NYAP2: variants seen among roughly 807,000 people sequenced by gnomAD.
NYAP2 encodes the protein neuronal tyrosine-phosphorylated phosphoinositide-3-kinase adaptor 2.
In NYAP2, 23 loss-of-function variants were observed where a neutral mutation model predicts 50.4. That is an observed-to-expected ratio of 0.46 (90% confidence interval 0.33 to 0.65). The LOEUF (loss-of-function observed/expected upper bound fraction) is 0.65, where lower values mean the gene tolerates loss of function less well. Among genes scored for constraint, NYAP2 ranks in the 30% least tolerant of loss-of-function variants. The pLI is 0.02. For missense variants in NYAP2, 885 were observed against 861.0 expected (o/e 1.03, Z -0.35); for synonymous variants, 394 against 365.2 (o/e 1.08, Z -0.90).
intron 4 of NYAP2, among the ~76,000 whole-genome samples, chr2:225,572,095 C>A (rs1692083368): frequency 6.6e-6 from 1 of 152,212 alleles, no homozygotes; most frequent in Non-Finnish European, 1.5e-5. Flanking sequence ...GCCTGCACTT[C>A]ATTGTTCACA....
At chr2:225,682,934 T>C in the NYAP2 span, among the ~76,000 whole-genome samples, 25 of 152,116 alleles carry the variant, frequency 1.6e-4, no homozygotes, top group African/African-American at 4.6e-4. Flanking sequence ...ATGGAAGCCA[T>C]TGACATTTCT....
At chr2:225,628,566 A>C in intron 6 of NYAP2, among the ~76,000 whole-genome samples, 1 of 151,902 alleles carries the variant, frequency 6.6e-6, no homozygotes, top group Non-Finnish European at 1.5e-5. Context: ...CAGGTGATAC[A>C]CTCACCTCAG....
intron 3 of NYAP2, among the ~76,000 whole-genome samples, chr2:225,439,846 C>T (rs1018944059): frequency 6.6e-6 from 1 of 152,102 alleles, no homozygotes; most frequent in Admixed American, 6.5e-5. Context: ...GGAAACAGAA[C>T]TCCCATACTC....
chr2:225,525,233 A>G (rs886772063), intron 4 of NYAP2, among the ~76,000 whole-genome samples: 4 of 152,244 alleles, frequency 2.6e-5, no homozygotes, highest in South Asian at 2.1e-4. Flanking sequence ...ACTACTAGGT[A>G]TATACCCAAA....
chr2:225,484,757 T>C (rs1197309359), intron 3 of NYAP2, among the ~76,000 whole-genome samples: 2 of 152,272 alleles, frequency 1.3e-5, no homozygotes, highest in South Asian at 2.1e-4. Flanking sequence ...GTGAATCTTA[T>C]TACTTGAACA....
chr2:225,488,601 C>T (rs905160838), intron 3 of NYAP2, among the ~76,000 whole-genome samples: 1 of 152,160 alleles, frequency 6.6e-6, no homozygotes, highest in Admixed American at 6.5e-5. Flanking sequence ...CTCGAGCTCT[C>T]AGCCTCAAAT....
rs1316394951 is a variant in NYAP2, at chr2:225,446,242, C to A, written c.221+37141C>A. On this transcript the variant is annotated intron_variant, in intron 3 of 6. Transcript: ENST00000636099. ...TCTCTCTCTCTCTCTCTCTCTCTCT[C>A]TCTCTATATATATATATATATATAT... Among the ~76,000 whole-genome samples, 476 of 110,256 alleles carry A rather than the reference C, an allele frequency of 4.3e-3. 5 individuals carry two copies. The highest frequency in any genetic ancestry group is 0.015 in the African/African-American group (436 of 29,184). 72.3% of individuals were successfully genotyped at this position (110,256 alleles called of 152,430 possible). A position where few individuals can be genotyped will look rare whatever the true frequency, so the allele number is the denominator to read the frequency against.
chr2:225,553,160 G>T (rs767523545), intron 4 of NYAP2, among the ~76,000 whole-genome samples: 2 of 152,342 alleles, frequency 1.3e-5, no homozygotes, highest in Middle Eastern at 3.4e-3. Context: ...CCTGCCTGGC[G>T]GCGGCTGCTA....
intron 4 of NYAP2, among the ~76,000 whole-genome samples, chr2:225,549,571 T>G (rs910723831): frequency 6.6e-6 from 1 of 152,168 alleles, no homozygotes; most frequent in African/African-American, 2.4e-5. Context: ...GTAAACAATT[T>G]GATATATTTC....
intron 3 of NYAP2, among the ~76,000 whole-genome samples, chr2:225,430,420 A>C (rs2106133217): frequency 6.6e-6 from 1 of 152,308 alleles, no homozygotes; most frequent in Non-Finnish European, 1.5e-5. Context: ...CCATTATTTT[A>C]ATAGCATCAA....
chr2:225,674,246 A>C, the NYAP2 span, among the ~76,000 whole-genome samples: 1 of 152,100 alleles, frequency 6.6e-6, no homozygotes, highest in Non-Finnish European at 1.5e-5. Flanking sequence ...ATTGTATATT[A>C]GGTTGTGGTA....
chr2:225,638,009 A>G (rs1693452058), intron 6 of NYAP2, among the ~76,000 whole-genome samples: 1 of 152,098 alleles, frequency 6.6e-6, no homozygotes, highest in South Asian at 2.1e-4. Flanking sequence ...CCTTAACTGA[A>G]CTCTCATTTC....
intron 4 of NYAP2, among the ~76,000 whole-genome samples, chr2:225,537,440 A>G (rs1330004747): frequency 6.6e-6 from 1 of 152,180 alleles, no homozygotes; most frequent in East Asian, 1.9e-4. Context: ...GCCTCACACC[A>G]TGGCAGAAGG....
intron 5 of NYAP2, among the ~76,000 whole-genome samples, chr2:225,608,483 G>T (rs1692827697): frequency 6.6e-6 from 1 of 152,034 alleles, no homozygotes; most frequent in African/African-American, 2.4e-5. Flanking sequence ...AAACTCTGTA[G>T]CCTGCCACTT....
At chr2:225,534,661 T>C (rs1047661020) in intron 4 of NYAP2, among the ~76,000 whole-genome samples, 11 of 152,162 alleles carry the variant, frequency 7.2e-5, no homozygotes, top group African/African-American at 2.4e-4. Context: ...GCTAAAATAT[T>C]GTATCAGTCT....
intron 2 of NYAP2, among the ~76,000 whole-genome samples, chr2:225,403,430 G>T (rs1694893810): frequency 6.6e-6 from 1 of 151,880 alleles, no homozygotes; most frequent in Admixed American, 6.6e-5. Flanking sequence ...TCTTCTGGCT[G>T]GTCACAATTA....
intron 5 of NYAP2, among the ~76,000 whole-genome samples, chr2:225,613,472 C>T (rs1320323493): frequency 6.6e-6 from 1 of 152,166 alleles, no homozygotes; most frequent in African/African-American, 2.4e-5. Flanking sequence ...GGCAACACCT[C>T]ACAGACTTAC....
intron 4 of NYAP2, among the ~76,000 whole-genome samples, chr2:225,520,970 C>T (rs1189031037): frequency 6.7e-6 from 1 of 150,148 alleles, no homozygotes; most frequent in African/African-American, 2.5e-5. Flanking sequence ...TTGTAGTTCT[C>T]CTTGAAGAGG....
At chr2:225,646,740 T>C (rs1219135483) in intron 6 of NYAP2, among the ~76,000 whole-genome samples, 1 of 152,192 alleles carries the variant, frequency 6.6e-6, no homozygotes, top group Non-Finnish European at 1.5e-5. Context: ...GGTGACCTCA[T>C]TGTAGAACTA....
Sources: allele counts gnomAD v4.1 joint callset (sites outside exome capture counted in the v4.1 genomes callset), GRCh38; gene constraint gnomAD v4.1.1; transcripts MANE v1.5; gene names NCBI Gene and HGNC (gene_info 2026-07-23, HGNC 2026-07-21).